The following GRID2 variants were observed in gnomAD, a reference collection of about 807,000 sequenced individuals.
GRID2 encodes glutamate ionotropic receptor delta type subunit 2.
A neutral mutation model predicts 114.8 loss-of-function variants in GRID2; 33 were observed. The observed-to-expected ratio is 0.29, with a 90% confidence interval of 0.22 to 0.38. GRID2 has a LOEUF of 0.38. Among genes scored for constraint, GRID2 ranks in the 10% least tolerant of loss-of-function variants. The pLI, the probability that GRID2 is intolerant of heterozygous loss-of-function variation, is 1.00. For synonymous variants in GRID2, 505 were observed against 449.9 expected, an observed-to-expected ratio of 1.12 and a Z score of -1.55; for missense variants, 1,184 against 1,257.7, an observed-to-expected ratio of 0.94 and a Z score of 0.89.
intron 2 of GRID2, among the ~76,000 whole-genome samples, chr4:92,654,760 A>T (rs533508966): frequency 1.3e-5 from 2 of 151,968 alleles, no homozygotes; most frequent in East Asian, 1.9e-4. Flanking sequence ...TTTAAAAAAA[A>T]ATTGTTGAAG....
At chr4:92,313,512 A>T (rs893126179) in intron 1 of GRID2, among the ~76,000 whole-genome samples, 1 of 151,990 alleles carries the variant, frequency 6.6e-6, no homozygotes, top group African/African-American at 2.4e-5. Context: ...AAAATAAATA[A>T]AAATAAAGGA....
intron 11 of GRID2, among the ~76,000 whole-genome samples, chr4:93,472,608 A>G (rs1245312041): frequency 1.3e-5 from 2 of 152,308 alleles, no homozygotes; most frequent in East Asian, 3.9e-4. Flanking sequence ...TTAAGCTGGT[A>G]AACAGTGTGA....
chr4:93,608,296 C>CTTTTTTTTTTTTTTTTTTTTTTTT (rs774334616), intron 13 of GRID2, among the ~76,000 whole-genome samples: 1 of 117,004 alleles, frequency 8.5e-6, no homozygotes, highest in Non-Finnish European at 1.7e-5. Flanking sequence ...ATTTTTTTTT[C>CTTTTTTTTTTTTTTTTTTTTTTTT]TTTTTTTTTT....
intron 1 of GRID2, among the ~76,000 whole-genome samples, chr4:92,549,254 G>A (rs534338348): frequency 4.6e-5 from 7 of 152,028 alleles, no homozygotes; most frequent in East Asian, 3.9e-4. Flanking sequence ...TAATTTATAC[G>A]GTACCTACTG....
intron 14 of GRID2, among the ~76,000 whole-genome samples, chr4:93,656,829 C>CAAAAAAAAAAAAAAAAAAA (rs61508444): frequency 3.1e-5 from 1 of 31,902 alleles, no homozygotes; most frequent in African/African-American, 1.1e-4. Flanking sequence ...GACTCTGCCT[C>CAAAAAAAAAAAAAAAAAAA]AAAAAAAAAA....
chr4:92,686,294 T>C (rs936329612), intron 2 of GRID2, among the ~76,000 whole-genome samples: 4 of 151,948 alleles, frequency 2.6e-5, no homozygotes, highest in Non-Finnish European at 4.4e-5. Flanking sequence ...TTCAGGAATA[T>C]ATCTTAATTG....
At chr4:93,487,314 T>C (rs908378417) in intron 11 of GRID2, among the ~76,000 whole-genome samples, 1 of 151,894 alleles carries the variant, frequency 6.6e-6, no homozygotes, top group Non-Finnish European at 1.5e-5. Context: ...TTTTCTTCCT[T>C]GTACTTGTTC....
intron 8 of GRID2, among the ~76,000 whole-genome samples, chr4:93,277,735 C>T (rs1459421868): frequency 6.6e-6 from 1 of 151,948 alleles, no homozygotes; most frequent in African/African-American, 2.4e-5. Flanking sequence ...CCTATCCCCA[C>T]TTCACCCCTT....
At chr4:92,486,809 C>T (rs907016549) in intron 1 of GRID2, among the ~76,000 whole-genome samples, 1 of 151,652 alleles carries the variant, frequency 6.6e-6, no homozygotes, top group Non-Finnish European at 1.5e-5. Context: ...ACAAATGGCC[C>T]ACAGGTATAT....
At chr4:93,589,764 A>T (rs1578331055) in intron 13 of GRID2, among the ~76,000 whole-genome samples, 1 of 152,106 alleles carries the variant, frequency 6.6e-6, no homozygotes. Flanking sequence ...GTGAGATGGT[A>T]TCTCCTTGTG....
At chr4:93,793,395 A>G (rs72659538) in intron 1 of GRID2, among the ~76,000 whole-genome samples, 1,811 of 152,332 alleles carry the variant, frequency 0.012, 17 homozygotes, top group Non-Finnish European at 0.016. Flanking sequence ...ACATTGATCT[A>G]TAGCACACTT....
At chr4:92,588,007 G>C (rs1335116974) in intron 1 of GRID2, among the ~76,000 whole-genome samples, 1 of 151,968 alleles carries the variant, frequency 6.6e-6, no homozygotes, top group Non-Finnish European at 1.5e-5. Flanking sequence ...TAGATTATCT[G>C]GTTTAAAATG....
intron 8 of GRID2, among the ~76,000 whole-genome samples, chr4:93,387,652 GAACC>G (rs1209127127): frequency 6.6e-6 from 1 of 151,680 alleles, no homozygotes; most frequent in Non-Finnish European, 1.5e-5. Context: ...CAACACAGTG[GAACC>G]CCATCTCTAC....
At chr4:92,995,146 T>A (rs1162532997) in intron 2 of GRID2, among the ~76,000 whole-genome samples, 1 of 152,194 alleles carries the variant, frequency 6.6e-6, no homozygotes, top group Non-Finnish European at 1.5e-5. Context: ...CCTCCTCTAG[T>A]GGGCAGAGAC....
At chr4:92,482,666 TATCAA>T (rs1722671407) in intron 1 of GRID2, among the ~76,000 whole-genome samples, 1 of 152,166 alleles carries the variant, frequency 6.6e-6, no homozygotes. Context: ...AATTTGGTCT[TATCAA>T]ATCATATCAC....
At chr4:93,699,260 G>A (rs7681855) in intron 14 of GRID2, among the ~76,000 whole-genome samples, 86,399 of 151,880 alleles carry the variant, frequency 0.57, 25,220 homozygotes, top group East Asian at 0.72. Flanking sequence ...GTTTGGTGAA[G>A]TAAAGACAAT....
chr4:93,146,753 TA>T (rs1736303489), intron 4 of GRID2, among the ~76,000 whole-genome samples: 1 of 152,124 alleles, frequency 6.6e-6, no homozygotes, highest in South Asian at 2.1e-4. Context: ...AGTGTGTAAA[TA>T]AAATGTTTTG....
intron 13 of GRID2, among the ~76,000 whole-genome samples, chr4:93,556,697 C>T (rs1734347252): frequency 6.6e-6 from 1 of 152,134 alleles, no homozygotes. Context: ...TCCAGAACTT[C>T]CCCAACCTAG....
chr4:92,512,675 C>T (rs371404812), intron 1 of GRID2, among the ~76,000 whole-genome samples: 1 of 151,860 alleles, frequency 6.6e-6, no homozygotes, highest in South Asian at 2.1e-4. Context: ...TGTTTCATTG[C>T]TTGGTGCCTA....
Sources: gnomAD v4.1 joint callset for allele counts (sites outside exome capture counted in the v4.1 genomes callset) on GRCh38, gnomAD v4.1.1 for gene constraint, MANE v1.5 for transcripts, NCBI Gene and HGNC (gene_info 2026-07-23, HGNC 2026-07-21) for gene names.